Variants in ASAP2 observed in about 807,000 individuals in gnomAD.
The protein encoded by ASAP2 is ArfGAP with SH3 domain, ankyrin repeat and PH domain 2.
Under a neutral mutation model 131.4 loss-of-function variants are expected in ASAP2, and 45 were observed. The observed-to-expected ratio is 0.34, with a 90% CI of 0.27 to 0.44. The LOEUF (loss-of-function observed/expected upper bound fraction) is 0.44, where lower values mean the gene tolerates loss of function less well. Among genes scored for constraint, ASAP2 ranks in the 20% least tolerant of loss-of-function variants. The probability of loss-of-function intolerance (pLI) is 1.00; values close to 1 mark genes in which losing one functional copy is unlikely to be tolerated. For synonymous variants in ASAP2, 510 were observed against 503.0 expected (o/e 1.01, Z -0.19); for missense variants, 1,011 against 1,297.0 (o/e 0.78, Z 3.39).
chr2:9,329,706 A>G (rs542024895), intron 7 of ASAP2, among the ~76,000 whole-genome samples: 11 of 152,304 alleles, frequency 7.2e-5, no homozygotes, highest in Non-Finnish European at 1.6e-4. Flanking sequence ...GAAGGTGTGG[A>G]CTGACAAGAA....
At chr2:9,277,674 G>A (rs1025515274) in intron 1 of ASAP2, among the ~76,000 whole-genome samples, 1 of 152,154 alleles carries the variant, frequency 6.6e-6, no homozygotes, top group Non-Finnish European at 1.5e-5. Context: ...CACTACAAGT[G>A]GTATGCTGGT....
At position 9,237,083 on chromosome 2, in the gene ASAP2, C is replaced by T. The variant is rs547538745; in HGVS notation, c.126+29853C>T. Among the ~76,000 whole-genome samples the T allele has an allele frequency of 2.0e-5, 3 of 152,134 alleles. No individual in the cohort carries two copies. The East Asian group carries it at 5.8e-4, about 29-fold the overall frequency. On this transcript the variant is annotated intron_variant, in intron 1 of 27. Coordinates refer to ENST00000281419, the MANE Select transcript of ASAP2 (RefSeq NM_003887.3). ...AGCTTGGAGAAATAGGCAAGAGGGA[C>T]AAGTCTCTGACCTCTTGGCTGTGCG...
chr2:9,347,992 C>T (rs991324571), intron 11 of ASAP2, among the ~76,000 whole-genome samples: 3 of 152,138 alleles, frequency 2.0e-5, no homozygotes, highest in Non-Finnish European at 4.4e-5. Flanking sequence ...CTTTTTTTTA[C>T]CATTCCTTCC....
At chr2:9,210,773 C>T (rs1338687524) in intron 1 of ASAP2, among the ~76,000 whole-genome samples, 3 of 151,852 alleles carry the variant, frequency 2.0e-5, no homozygotes, top group Non-Finnish European at 2.9e-5. Flanking sequence ...CCAGGATGGT[C>T]GATGGTCTAG....
chr2:9,296,450 A>G (rs1668157509), intron 2 of ASAP2, among the ~76,000 whole-genome samples: 1 of 152,160 alleles, frequency 6.6e-6, no homozygotes, highest in South Asian at 2.1e-4. Flanking sequence ...TGTGCCAGAG[A>G]CCCAGAGTCC....
intron 4 of ASAP2, 101 bp from the exon 5 acceptor site, chr2:9,320,187 G>C: frequency 1.0e-6 from 1 of 987,968 alleles, no homozygotes. Flanking sequence ...ATTTATTGCA[G>C]AAATTAATGC....
chr2:9,233,733 A>G (rs1023013742), intron 1 of ASAP2, among the ~76,000 whole-genome samples: 4 of 152,224 alleles, frequency 2.6e-5, no homozygotes, highest in Admixed American at 2.0e-4. Context: ...TGTGCCAGGC[A>G]GTAAGTGCTT....
chr2:9,317,618 T>C (rs544393380), intron 3 of ASAP2, among the ~76,000 whole-genome samples: 175 of 146,270 alleles, frequency 1.2e-3, no homozygotes, highest in African/African-American at 4.0e-3. Flanking sequence ...ACATCCACAA[T>C]CACACCCACA....
chr2:9,258,421 A>C (rs963082282), intron 1 of ASAP2, among the ~76,000 whole-genome samples: 1 of 150,444 alleles, frequency 6.6e-6, no homozygotes, highest in African/African-American at 2.5e-5. Flanking sequence ...TGTAATTGTA[A>C]GATTTCCTTC....
chr2:9,208,681 T>C (rs1156721869), intron 1 of ASAP2, among the ~76,000 whole-genome samples: 3 of 152,202 alleles, frequency 2.0e-5, no homozygotes, highest in African/African-American at 4.8e-5. Flanking sequence ...ATTCTACTTT[T>C]AGCAGCAAGG....
intron 15 of ASAP2, among the ~76,000 whole-genome samples, chr2:9,359,330 G>T (rs912447003): frequency 6.6e-6 from 1 of 152,260 alleles, no homozygotes; most frequent in Non-Finnish European, 1.5e-5. Flanking sequence ...TGTCCCCCAT[G>T]GGGGGAGATA....
chr2:9,321,722 G>A (rs181806675), intron 5 of ASAP2, among the ~76,000 whole-genome samples: 1 of 152,276 alleles, frequency 6.6e-6, no homozygotes, highest in Admixed American at 6.5e-5. Flanking sequence ...GCCTGAGAGA[G>A]TCATCTGGTT....
intron 20 of ASAP2, among the ~76,000 whole-genome samples, chr2:9,382,187 T>C (rs1674908450): frequency 6.6e-6 from 1 of 152,134 alleles, no homozygotes; most frequent in African/African-American, 2.4e-5. Flanking sequence ...TTTCACCATA[T>C]TGGTCAGGCT....
intron 1 of ASAP2, among the ~76,000 whole-genome samples, chr2:9,223,210 A>G (rs1168082473): frequency 6.6e-6 from 1 of 152,212 alleles, no homozygotes; most frequent in Non-Finnish European, 1.5e-5. Flanking sequence ...ATTATCTTCT[A>G]TAGCAATGTT....
At chr2:9,336,469 G>C (rs1043607421) in intron 9 of ASAP2, among the ~76,000 whole-genome samples, 2 of 152,116 alleles carry the variant, frequency 1.3e-5, no homozygotes, top group Non-Finnish European at 2.9e-5. Context: ...TTGAGTGTTG[G>C]TTGTGCCTTA....
intron 1 of ASAP2, among the ~76,000 whole-genome samples, chr2:9,255,587 G>T (rs1014622193): frequency 6.6e-6 from 1 of 152,156 alleles, no homozygotes; most frequent in East Asian, 1.9e-4. Context: ...CCGTGGATTC[G>T]GCAGATGGTG....
intron 16 of ASAP2, among the ~76,000 whole-genome samples, chr2:9,373,397 G>T (rs1674136866): frequency 6.6e-6 from 1 of 152,230 alleles, no homozygotes; most frequent in African/African-American, 2.4e-5. Context: ...GCAGATTTGA[G>T]GCCTGGCAGA....
intron 2 of ASAP2, among the ~76,000 whole-genome samples, chr2:9,286,437 G>GAAAAAA (rs556978805): frequency 6.2e-5 from 8 of 128,866 alleles, no homozygotes; most frequent in African/African-American, 2.4e-4. Context: ...TTTAAAAAAG[G>GAAAAAA]AAAAAAAAAA....
At position 9,393,239 on chromosome 2, in the gene ASAP2, C is replaced by G. The variant is rs1572627578; in HGVS notation, c.2519-243C>G. ...TTCTAGCTGAGAAAATACTCACTCACAGGCTGATAGAAAAATTGTCATCCT... is the reference window on the plus strand; with the variant it reads ...TTCTAGCTGAGAAAATACTCACTCAGAGGCTGATAGAAAAATTGTCATCCT... On this transcript the variant is annotated intron_variant, in intron 23 of 27. Transcript: ENST00000281419. Among the ~76,000 whole-genome samples, 3 of 152,330 alleles carry G rather than the reference C, an allele frequency of 2.0e-5. No individual in the cohort carries two copies. In the Middle Eastern group the frequency reaches 0.01, roughly 518 times the overall value.
Sources: allele counts gnomAD v4.1 joint callset (sites outside exome capture counted in the v4.1 genomes callset), GRCh38; gene constraint gnomAD v4.1.1; transcripts MANE v1.5; gene names NCBI Gene and HGNC (gene_info 2026-07-23, HGNC 2026-07-21).